LUZP2: variants seen among roughly 807,000 people sequenced by gnomAD.
LUZP2 encodes leucine zipper protein 2.
In LUZP2, 52 loss-of-function variants were observed where a neutral mutation model predicts 51.6. The observed-to-expected ratio is 1.01, with a 90% CI of 0.81 to 1.27. LUZP2 has a LOEUF of 1.27. LUZP2 is among the 50% of genes most tolerant of loss of function. LUZP2 has a pLI of 0.00. For synonymous variants in LUZP2, 154 were observed against 137.3 expected, an observed-to-expected ratio of 1.12 and a Z score of -0.85; for missense variants, 436 against 395.4, an observed-to-expected ratio of 1.10 and a Z score of -0.87.
intron 1 of LUZP2, among the ~76,000 whole-genome samples, chr11:24,649,019 G>A (rs1276634457): frequency 6.6e-6 from 1 of 151,976 alleles, no homozygotes; most frequent in Non-Finnish European, 1.5e-5. Context: ...TTCCTGTCCT[G>A]TAACTAATCT....
At chr11:24,962,908 C>G (rs1855459243) in intron 7 of LUZP2, among the ~76,000 whole-genome samples, 1 of 152,086 alleles carries the variant, frequency 6.6e-6, no homozygotes, top group Non-Finnish European at 1.5e-5. Flanking sequence ...TACTTTTGGT[C>G]TTTGATGATG....
chr11:24,747,252 T>C (rs1859414765), intron 4 of LUZP2, among the ~76,000 whole-genome samples: 1 of 152,170 alleles, frequency 6.6e-6, no homozygotes, highest in South Asian at 2.1e-4. Flanking sequence ...CTTGATGTGG[T>C]ACTTTTCTCG....
chr11:24,836,939 G>A (rs538575541), intron 5 of LUZP2, among the ~76,000 whole-genome samples: 32 of 151,910 alleles, frequency 2.1e-4, no homozygotes, highest in African/African-American at 7.0e-4. Context: ...CAAATCTCAA[G>A]TGGCTCAAGA....
chr11:24,909,975 A>C (rs1008712134), intron 6 of LUZP2, among the ~76,000 whole-genome samples: 2 of 152,170 alleles, frequency 1.3e-5, no homozygotes, highest in Non-Finnish European at 2.9e-5. Flanking sequence ...AAATGGTTTG[A>C]CCAAAATGCT....
chr11:25,051,274 G>T (rs1858501421), intron 10 of LUZP2, among the ~76,000 whole-genome samples: 1 of 151,484 alleles, frequency 6.6e-6, no homozygotes, highest in Non-Finnish European at 1.5e-5. Flanking sequence ...CCGAGATGGC[G>T]CCGCTGCACT....
At chr11:24,595,717 GA>G (rs1189657236) in intron 1 of LUZP2, among the ~76,000 whole-genome samples, 2 of 152,176 alleles carry the variant, frequency 1.3e-5, no homozygotes, top group African/African-American at 4.8e-5. Context: ...GACTTCTGCA[GA>G]GATGATGCAG....
At position 24,898,639 on chromosome 11, in the gene LUZP2, A is replaced by C. The variant is rs974300005; in HGVS notation, c.397-7352A>C. On this transcript the variant is annotated intron_variant, in intron 5 of 11. Transcript: ENST00000336930. ...CTCTGTGTCAGGAAGAAAAAAAAAA[A>C]AACAAGAGTTTAAAACCAGGGTGGG... is the stretch of plus-strand genomic sequence containing the variant. Among the ~76,000 whole-genome samples, 7 of 152,274 alleles carry C rather than the reference A, an allele frequency of 4.6e-5. No homozygotes were observed. The East Asian group carries it at 5.8e-4, about 13-fold the overall frequency.
chr11:24,553,510 A>G (rs1025602053), intron 1 of LUZP2, among the ~76,000 whole-genome samples: 40 of 152,130 alleles, frequency 2.6e-4, no homozygotes, highest in African/African-American at 8.9e-4. Flanking sequence ...AGAAATTTAT[A>G]TCTAGAATAG....
At chr11:24,513,072 A>C (rs562695700) in intron 1 of LUZP2, among the ~76,000 whole-genome samples, 43 of 152,062 alleles carry the variant, frequency 2.8e-4, no homozygotes, top group Non-Finnish European at 5.1e-4. Context: ...ATTTTTTTCT[A>C]TATGACATAG....
chr11:24,679,403 TTAA>T (rs1457504353), intron 1 of LUZP2, among the ~76,000 whole-genome samples: 2 of 152,044 alleles, frequency 1.3e-5, no homozygotes, highest in African/African-American at 4.8e-5. Context: ...GTATATTTTC[TTAA>T]TTATTTTTAT....
chr11:24,558,155 C>G (rs1275615788), intron 1 of LUZP2, among the ~76,000 whole-genome samples: 2 of 152,050 alleles, frequency 1.3e-5, no homozygotes, highest in African/African-American at 4.8e-5. Flanking sequence ...TCCAGGTTCA[C>G]CAGCTTTTAG....
rs533750822 is a variant in LUZP2, at chr11:24,620,636, A to G, written c.63-108533A>G. On this transcript the variant is annotated intron_variant, in intron 1 of 11. Transcript: ENST00000336930. ...AAAGTCACTAAATTCTTGTGCATTT[A>G]ATTTTGTCAGGTAACATACACTGTT... 3.3e-5 allele frequency among the ~76,000 whole-genome samples: 5 copies of G among 152,352 alleles called. No individual in the cohort carries two copies. The East Asian group carries it at 9.6e-4, about 29-fold the overall frequency.
intron 9 of LUZP2, among the ~76,000 whole-genome samples, chr11:25,017,681 G>C (rs1857197282): frequency 6.6e-6 from 1 of 152,066 alleles, no homozygotes; most frequent in South Asian, 2.1e-4. Flanking sequence ...TTTCAAGTCA[G>C]GTAACACAAT....
intron 5 of LUZP2, among the ~76,000 whole-genome samples, chr11:24,825,913 C>T (rs575549457): frequency 5.9e-5 from 9 of 151,814 alleles, no homozygotes; most frequent in Non-Finnish European, 1.0e-4. Context: ...TGGCCGAGCG[C>T]GATGGCTCAC....
intron 8 of LUZP2, among the ~76,000 whole-genome samples, chr11:24,982,848 A>G (rs1211949262): frequency 6.6e-6 from 1 of 151,836 alleles, no homozygotes; most frequent in African/African-American, 2.4e-5. Context: ...TTTCCTGCAA[A>G]CTATCATGGT....
intron 11 of LUZP2, among the ~76,000 whole-genome samples, chr11:25,077,913 C>T (rs917557190): frequency 6.6e-5 from 10 of 152,144 alleles, no homozygotes; most frequent in African/African-American, 2.4e-4. Flanking sequence ...GCTCTGCTTT[C>T]TACTAAGCTT....
chr11:24,972,136 T>C (rs1352766725), intron 7 of LUZP2, among the ~76,000 whole-genome samples: 5 of 15,274 alleles, frequency 3.3e-4, no homozygotes, highest in African/African-American at 5.0e-4. Context: ...GGAGTGAGAC[T>C]CCGAAAAAAA....
chr11:24,586,076 C>A (rs1853056062), intron 1 of LUZP2, among the ~76,000 whole-genome samples: 1 of 151,936 alleles, frequency 6.6e-6, no homozygotes, highest in Admixed American at 6.6e-5. Flanking sequence ...TTCTCAATTA[C>A]CATTTGTGGA....
At chr11:24,980,258 A>G (rs1166541794) in intron 8 of LUZP2, among the ~76,000 whole-genome samples, 1 of 145,540 alleles carries the variant, frequency 6.9e-6, no homozygotes, top group Non-Finnish European at 1.5e-5. Flanking sequence ...TTTGCAAGGT[A>G]TATCTTGTTG....
Sources: gnomAD v4.1 joint callset for allele counts (sites outside exome capture counted in the v4.1 genomes callset) on GRCh38, gnomAD v4.1.1 for gene constraint, MANE v1.5 for transcripts, NCBI Gene and HGNC (gene_info 2026-07-23, HGNC 2026-07-21) for gene names.